The following MLLT1 variants were observed in gnomAD, a reference collection of about 807,000 sequenced individuals.
MLLT1 encodes the protein protein ENL.
In MLLT1, 11 loss-of-function variants were observed where a neutral mutation model predicts 55.1. The observed-to-expected ratio is 0.20, with a 90% CI of 0.13 to 0.33. The LOEUF is 0.33. MLLT1 is among the 10% of genes least tolerant of loss of function. The pLI is 1.00. For missense variants in MLLT1, 536 were observed against 760.6 expected, an observed-to-expected ratio of 0.70 and a Z score of 3.47; for synonymous variants, 323 against 320.1, an observed-to-expected ratio of 1.01 and a Z score of -0.10.
rs149671943 is a variant in MLLT1, at chr19:6,233,175, G to A, written c.277-2462C>T. ...CCCCAGCCTGCCTGCAGTGCCGGAC[G>A]GCTCACACGGGTGGCACCAGGCTCC... On this transcript the variant is annotated intron_variant, in intron 3 of 11. Transcript: ENST00000252674. Among the ~76,000 whole-genome samples, 43 of 152,332 alleles carry A rather than the reference G, an allele frequency of 2.8e-4. 1 individual carries two copies. The East Asian group carries it at 8.3e-3, about 29-fold the overall frequency.
chr19:6,212,882 G>T lies in MLLT1; in HGVS notation c.*160C>A. On this transcript the variant is annotated 3_prime_UTR_variant, in exon 12 of 12. Transcript: ENST00000252674. Reference sequence around the variant, plus strand: ...CCTGGCGATGGAGCGGGGAGAGTGGGCAGGGAGCCGCCGAGGAAAGTGCAG... The same window carrying T: ...CCTGGCGATGGAGCGGGGAGAGTGGTCAGGGAGCCGCCGAGGAAAGTGCAG... 2 of 1,047,482 alleles carry T rather than the reference G, an allele frequency of 1.9e-6. No individual in the cohort carries two copies. The highest frequency in any genetic ancestry group is 2.7e-6 in the Non-Finnish European group (2 of 750,162). 64.9% of individuals were successfully genotyped at this position (1,047,482 alleles called of 1,614,324 possible).
At position 6,213,028 on chromosome 19, in the gene MLLT1, C is replaced by T. The variant is rs2144838731; in HGVS notation, c.*14G>A. Reference sequence around the variant, plus strand: ...CAGGACCCCGGCGGTGGGGGCCCGGCACGCGGCCCAGGGTCATGTGGCCAC... The same window carrying T: ...CAGGACCCCGGCGGTGGGGGCCCGGTACGCGGCCCAGGGTCATGTGGCCAC... On this transcript the variant is annotated 3_prime_UTR_variant, in exon 12 of 12. Coordinates refer to ENST00000252674, the MANE Select transcript of MLLT1 (RefSeq NM_005934.4). 1 of 1,611,412 alleles carries T rather than the reference C, an allele frequency of 6.2e-7. No individual in the cohort carries two copies. Among genetic ancestry groups the T allele is most frequent in the East Asian group, 2.2e-5 (1 of 44,806 alleles).
rs1376010805 is a variant in MLLT1 at position 6,229,535 on chromosome 19, G to C, written c.420+1035C>G. ...CGTCATACATGCCACATACACACCTGACACATTCACATACTCCCCATAACA... is the reference window on the plus strand; with the variant it reads ...CGTCATACATGCCACATACACACCTCACACATTCACATACTCCCCATAACA... On this transcript the variant is annotated intron_variant, in intron 4 of 11. Transcript: ENST00000252674. The surrounding 1 kb of genome is among the most constrained non-coding windows in gnomAD (Gnocchi z 5.2). Among the ~76,000 whole-genome samples the C allele has an allele frequency of 1.3e-5, 2 of 151,548 alleles. No homozygotes were observed. Among genetic ancestry groups the C allele is most frequent in the South Asian group, 4.2e-4 (2 of 4,784 alleles).
rs981008774 is a variant in MLLT1 at position 6,262,765 on chromosome 19, A to G, written c.194-455T>C. Among the ~76,000 whole-genome samples the G allele has an allele frequency of 1.3e-5, 2 of 152,176 alleles. No homozygotes were observed. Among genetic ancestry groups the G allele is most frequent in the African/African-American group, 4.8e-5 (2 of 41,440 alleles). Reference sequence around the variant, plus strand: ...GCTGAGCACCTGCTGCACCACGGACACATGCACTGGGAGACAGGGGAGCCC... The same window carrying G: ...GCTGAGCACCTGCTGCACCACGGACGCATGCACTGGGAGACAGGGGAGCCC... On this transcript the variant is annotated intron_variant, in intron 2 of 11. Transcript: ENST00000252674. This position sits in a 1 kb window ranked among gnomAD's most constrained non-coding sequence, Gnocchi z 4.4.
chr19:6,250,964 G>A (rs576951483), intron 3 of MLLT1, among the ~76,000 whole-genome samples: 1 of 152,178 alleles, frequency 6.6e-6, no homozygotes, highest in East Asian at 1.9e-4. Context: ...TCACAAATAC[G>A]GCAGAAAGAA....
In MLLT1 at chr19:6,227,526, G is replaced by C. The variant is rs112761036; in HGVS notation, c.421-424C>G. Among the ~76,000 whole-genome samples the C allele has an allele frequency of 6.6e-6, 1 of 152,236 alleles. No homozygotes were observed. Among genetic ancestry groups the C allele is most frequent in the East Asian group, 1.9e-4 (1 of 5,196 alleles). On this transcript the variant is annotated intron_variant, in intron 4 of 11. Transcript: ENST00000252674. This position sits in a 1 kb window ranked among gnomAD's most constrained non-coding sequence, Gnocchi z 5.1. ...TGCGAAAGGCAGGCAGCAACTTCCC[G>C]GGGTGCACATGGGTGCAACTCCAGT...
intron 3 of MLLT1, among the ~76,000 whole-genome samples, chr19:6,253,264 CAAAAAAAAAAAAAAAAAAA>C (rs71172800): frequency 1.2e-4 from 3 of 24,550 alleles, no homozygotes; most frequent in Admixed American, 7.6e-4. Context: ...GACCCCATCT[CAAAAAAAAAAAAAAAAAAA>C]AAAAAAAAAA....
At chr19:6,257,601 G>C (rs2091268398) in intron 3 of MLLT1, among the ~76,000 whole-genome samples, 1 of 152,164 alleles carries the variant, frequency 6.6e-6, no homozygotes, top group Non-Finnish European at 1.5e-5. Flanking sequence ...GGGAGTTTGA[G>C]ACCAGCCTCG....
rs1221388224 is a variant in MLLT1 at position 6,226,787 on chromosome 19, G to A, written c.546+190C>T. 6.6e-6 allele frequency among the ~76,000 whole-genome samples: 1 copy of A among 152,124 alleles called. No individual in the cohort carries two copies. The highest frequency in any genetic ancestry group is 1.5e-5 in the Non-Finnish European group (1 of 68,038). On this transcript the variant is annotated intron_variant, in intron 5 of 11. Coordinates refer to ENST00000252674, the MANE Select transcript of MLLT1 (RefSeq NM_005934.4). The surrounding 1 kb of genome is among the most constrained non-coding windows in gnomAD (Gnocchi z 6.3). ...AACAGGGCAAAGAGCCCATGATCAC[G>A]GGCTTATTCCTGAAATCCTAGGGAA...
Position 6,230,849 on chromosome 19 carries a change from T to C in MLLT1, c.277-136A>G. On this transcript the variant is annotated intron_variant, in intron 3 of 11. Transcript: ENST00000252674. This position sits in a 1 kb window ranked among gnomAD's most constrained non-coding sequence, Gnocchi z 9.0. ...TCCCTCCGATTTGCGCCCACTTCTC[T>C]CTCAGGGCACCTCCTGCCCTGCCCT... 2 of 1,122,938 alleles carry C rather than the reference T, an allele frequency of 1.8e-6. No individual in the cohort carries two copies. 69.6% of individuals were successfully genotyped at this position (1,122,938 alleles called of 1,614,324 possible).
Position 6,212,170 on chromosome 19 carries a change from G to C in MLLT1, c.*872C>G. On this transcript the variant is annotated 3_prime_UTR_variant, in exon 12 of 12. Coordinates refer to ENST00000252674, the MANE Select transcript of MLLT1 (RefSeq NM_005934.4). ...GCGAGTCTGTCCGCGGAGACTGTTG[G>C]CGCTAGTCTGAGTAGAGCCCGAGAG... The C allele has an allele frequency of 6.6e-6, 7 of 1,066,350 alleles. No individual in the cohort carries two copies. Among genetic ancestry groups the C allele is most frequent in the Non-Finnish European group, 8.0e-6 (7 of 879,658 alleles). 66.1% of individuals were successfully genotyped at this position (1,066,350 alleles called of 1,614,324 possible). A position where few individuals can be genotyped will look rare whatever the true frequency, so the allele number is the denominator to read the frequency against.
intron 3 of MLLT1, among the ~76,000 whole-genome samples, chr19:6,247,162 T>C (rs1365001216): frequency 1.3e-5 from 2 of 152,036 alleles, no homozygotes; most frequent in East Asian, 1.9e-4. Context: ...ATTACACAGA[T>C]AGATACAGAA....
In MLLT1 at chr19:6,273,126, G is replaced by T. The variant is rs7246943; in HGVS notation, c.13-2367C>A. The stretch of plus-strand genomic sequence containing the variant: ...CCGGAGACAAAAGAAATAACCCGTC[G>T]TCATAAGTGGCTGACAGATATGGGA... On this transcript the variant is annotated intron_variant, in intron 1 of 11. Transcript: ENST00000252674. The surrounding 1 kb of genome is among the most constrained non-coding windows in gnomAD (Gnocchi z 4.3). Among the ~76,000 whole-genome samples, 2 of 151,708 alleles carry T rather than the reference G, an allele frequency of 1.3e-5. No individual in the cohort carries two copies. Among genetic ancestry groups the T allele is most frequent in the Middle Eastern group, 3.2e-3 (1 of 314 alleles).
chr19:6,223,196 G>A (rs187775555), intron 5 of MLLT1, among the ~76,000 whole-genome samples: 165 of 152,206 alleles, frequency 1.1e-3, no homozygotes, highest in African/African-American at 3.8e-3. Flanking sequence ...GAGCCCCGTC[G>A]GCCCCTCTCC....
chr19:6,272,148 G>A lies in MLLT1; in HGVS notation c.13-1389C>T, dbSNP rs113020498. 3.1e-3 allele frequency among the ~76,000 whole-genome samples: 396 copies of A among 127,514 alleles called. 1 individual carries two copies. The highest frequency in any genetic ancestry group is 0.011 in the African/African-American group (377 of 33,668). The allele number at this position is 127,514 out of a possible 152,430, so 83.7% of individuals were successfully genotyped here. A position where few individuals can be genotyped will look rare whatever the true frequency, so the allele number is the denominator to read the frequency against. ...TCCCTCAGAAGGAAGCCCGAGCCCC[G>A]CGCACGTCTTCCACGCGTGTATTTC... On this transcript the variant is annotated intron_variant, in intron 1 of 11. Transcript: ENST00000252674.
chr19:6,259,343 A>C (rs2091284006), intron 3 of MLLT1: 1 of 152,330 alleles, frequency 6.6e-6, no homozygotes, highest in Non-Finnish European at 1.5e-5. Flanking sequence ...CAAATCCTGC[A>C]GCCATGACAC....
At chr19:6,255,603 T>C (rs920789335) in intron 3 of MLLT1, among the ~76,000 whole-genome samples, 2 of 152,218 alleles carry the variant, frequency 1.3e-5, no homozygotes, top group South Asian at 2.1e-4. Flanking sequence ...CTTAATTAAG[T>C]GGAAAGACAT....
intron 2 of MLLT1, among the ~76,000 whole-genome samples, chr19:6,267,388 C>A (rs778046978): frequency 8.1e-6 from 1 of 123,830 alleles, no homozygotes; most frequent in Non-Finnish European, 1.8e-5. Context: ...AACCACCGCA[C>A]CCGGCCAAAA....
chr19:6,251,152 G>C (rs562255905), intron 3 of MLLT1, among the ~76,000 whole-genome samples: 1 of 152,270 alleles, frequency 6.6e-6, no homozygotes, highest in African/African-American at 2.4e-5. Flanking sequence ...TGATGAAACT[G>C]CTCTGGAACT....
Sources: allele counts gnomAD v4.1 joint callset (sites outside exome capture counted in the v4.1 genomes callset), GRCh38; gene constraint gnomAD v4.1.1; non-coding constraint Gnocchi (gnomAD v3.1); transcripts MANE v1.5; gene names NCBI Gene and HGNC (gene_info 2026-07-23, HGNC 2026-07-21).